Variants in AFAP1L1 observed in about 807,000 individuals in gnomAD.
AFAP1L1 encodes actin filament-associated protein 1-like 1.
A neutral mutation model predicts 99.8 loss-of-function variants in AFAP1L1; 77 were observed. That is an observed-to-expected ratio of 0.77 (90% CI 0.64 to 0.93). AFAP1L1 has a LOEUF of 0.93. AFAP1L1 is among the 40% of genes least tolerant of loss of function. The probability of loss-of-function intolerance (pLI) is 0.00; values close to 1 mark genes in which losing one functional copy is unlikely to be tolerated. For missense variants in AFAP1L1, 893 were observed against 996.8 expected, an observed-to-expected ratio of 0.90 and a Z score of 1.40; for synonymous variants, 373 against 395.3, an observed-to-expected ratio of 0.94 and a Z score of 0.67.
At chr5:149,316,552 C>G (rs530990033) in intron 11 of AFAP1L1, among the ~76,000 whole-genome samples, 1 of 152,142 alleles carries the variant, frequency 6.6e-6, no homozygotes, top group Admixed American at 6.5e-5. Context: ...TCCCTGTGAC[C>G]GTAGCCCAAA....
rs1757594925 is a variant in AFAP1L1, at chr5:149,342,836, C to T, written c.*2806C>T. ...CTGAGGGAGGAGAATCACTTGAACCCGGGAGGTGGAGGTTGCAGTGAGCCG... is the reference window on the plus strand; with the variant it reads ...CTGAGGGAGGAGAATCACTTGAACCTGGGAGGTGGAGGTTGCAGTGAGCCG... On this transcript the variant is annotated 3_prime_UTR_variant, in exon 19 of 19. Transcript: ENST00000296721. Among the ~76,000 whole-genome samples, 2 of 151,840 alleles carry T rather than the reference C, an allele frequency of 1.3e-5. No individual in the cohort carries two copies. Among genetic ancestry groups the T allele is most frequent in the Non-Finnish European group, 2.9e-5 (2 of 67,988 alleles).
intron 17 of AFAP1L1, among the ~76,000 whole-genome samples, chr5:149,335,334 A>C (rs963373578): frequency 6.6e-6 from 1 of 152,066 alleles, no homozygotes; most frequent in Non-Finnish European, 1.5e-5. Context: ...CTAAAAATAC[A>C]AAAATTAGCC....
intron 1 of AFAP1L1, among the ~76,000 whole-genome samples, chr5:149,290,102 G>A (rs183200717): frequency 4.6e-4 from 70 of 152,210 alleles, no homozygotes; most frequent in Non-Finnish European, 2.1e-4. Flanking sequence ...GCGTGGTAGC[G>A]CACGCCTGTA....
At chr5:149,303,978 A>G (rs944570971) in intron 5 of AFAP1L1, among the ~76,000 whole-genome samples, 6 of 152,170 alleles carry the variant, frequency 3.9e-5, no homozygotes, top group Admixed American at 1.3e-4. Flanking sequence ...CTAGTCCCCA[A>G]ACATTGTCAT....
At chr5:149,302,614 A>G in intron 5 of AFAP1L1, 88 bp downstream of exon 5, 1 of 1,172,826 alleles carries the variant, frequency 8.5e-7, no homozygotes, top group Non-Finnish European at 1.2e-6. Flanking sequence ...GGGAGCTGGA[A>G]CTGCAAGCCT....
At chr5:149,329,960 C>G in intron 16 of AFAP1L1, 130 bp downstream of exon 16, 1 of 691,530 alleles carries the variant, frequency 1.4e-6, no homozygotes, top group Non-Finnish European at 2.2e-6. Flanking sequence ...TCCCCTCCTC[C>G]TTCTCCTCCT....
chr5:149,302,395 C>A (rs1290227331), intron 4 of AFAP1L1, 23 bp from the exon 5 acceptor site: 2 of 1,548,228 alleles, frequency 1.3e-6, no homozygotes, highest in Admixed American at 1.9e-5. Flanking sequence ...GCTCCCCTAG[C>A]CCTCTTTTTT....
At chr5:149,274,322 A>C (rs1020217802) in intron 1 of AFAP1L1, among the ~76,000 whole-genome samples, 8 of 152,232 alleles carry the variant, frequency 5.3e-5, no homozygotes, top group African/African-American at 1.9e-4. Flanking sequence ...TTACTTGTAC[A>C]GCAATACTTA....
chr5:149,272,857 C>T (rs1371039230), intron 1 of AFAP1L1, among the ~76,000 whole-genome samples: 1 of 152,126 alleles, frequency 6.6e-6, no homozygotes, highest in Non-Finnish European at 1.5e-5. Context: ...CATGCGCCAC[C>T]ACACCCGGCT....
At chr5:149,294,359 C>A (rs780586450) in intron 1 of AFAP1L1, among the ~76,000 whole-genome samples, 2 of 152,174 alleles carry the variant, frequency 1.3e-5, no homozygotes, top group Non-Finnish European at 2.9e-5. Flanking sequence ...ACCCATACGA[C>A]CTCTCCAATT....
chr5:149,339,384 G>A (rs1024361476), intron 18 of AFAP1L1, among the ~76,000 whole-genome samples: 1 of 151,996 alleles, frequency 6.6e-6, no homozygotes, highest in South Asian at 2.1e-4. Flanking sequence ...TAGAGACGGG[G>A]GGTTTCACCA....
intron 1 of AFAP1L1, among the ~76,000 whole-genome samples, chr5:149,290,580 A>ATTGATTT (rs1755820484): frequency 6.6e-6 from 1 of 152,224 alleles, no homozygotes; most frequent in African/African-American, 2.4e-5. Flanking sequence ...ACCAACTACA[A>ATTGATTT]AATGTGCATC....
chr5:149,338,922 A>G (rs1028878344), intron 18 of AFAP1L1, among the ~76,000 whole-genome samples: 2 of 152,212 alleles, frequency 1.3e-5, no homozygotes, highest in Non-Finnish European at 2.9e-5. Flanking sequence ...AGGAACATCA[A>G]GAAGATCCAG....
At chr5:149,311,710 C>T (rs1756635488) in intron 8 of AFAP1L1, among the ~76,000 whole-genome samples, 1 of 152,204 alleles carries the variant, frequency 6.6e-6, no homozygotes, top group African/African-American at 2.4e-5. Flanking sequence ...GCAGGTCCCT[C>T]ATGCTTGTGA....
At position 149,342,890 on chromosome 5, in the gene AFAP1L1, C is replaced by A. The variant is rs1320207495; in HGVS notation, c.*2860C>A. On this transcript the variant is annotated 3_prime_UTR_variant, in exon 19 of 19. Coordinates refer to ENST00000296721, the MANE Select transcript of AFAP1L1 (RefSeq NM_152406.4). ...TCGCACCACTGCACTCCAGCCTGGG[C>A]AATAGCAAGACTCCATCTCAAAAAA... Among the ~76,000 whole-genome samples the A allele has an allele frequency of 6.7e-6, 1 of 148,762 alleles. No individual in the cohort carries two copies. Among genetic ancestry groups the A allele is most frequent in the Non-Finnish European group, 1.5e-5 (1 of 67,536 alleles).
chr5:149,316,256 C>T lies in AFAP1L1; in HGVS notation c.1220C>T (p.Ala407Val), dbSNP rs1269790926. The T allele has an allele frequency of 1.2e-6, 2 of 1,613,940 alleles. No individual in the cohort carries two copies. The highest frequency in any genetic ancestry group is 3.3e-5 in the Admixed American group (2 of 59,994). The change falls in exon 11 of 19, where the codon GCC becomes GTC. Residue 407 changes from alanine to valine, a missense_variant. Transcript: ENST00000296721. ...IIGFSKKKTL[A>V]DDLQTSSTEE... ...GGCTTCTCCAAGAAGAAGACACTGG[C>T]CGATGACCTGCAGACGTCCTCCACC...
At chr5:149,310,189 A>C in intron 8 of AFAP1L1, 54 bp downstream of exon 8, 1 of 1,508,538 alleles carries the variant, frequency 6.6e-7, no homozygotes, top group Non-Finnish European at 8.9e-7. Flanking sequence ...CTCTTCCCCA[A>C]GCCAGCCCTC....
chr5:149,286,538 T>G (rs1755687927), intron 1 of AFAP1L1, among the ~76,000 whole-genome samples: 1 of 152,254 alleles, frequency 6.6e-6, no homozygotes. Flanking sequence ...ACACTGAGTT[T>G]TCTGCAAGCC....
At chr5:149,295,490 A>G (rs763624883) in intron 1 of AFAP1L1, among the ~76,000 whole-genome samples, 22 of 151,840 alleles carry the variant, frequency 1.4e-4, no homozygotes, top group Non-Finnish European at 2.9e-4. Context: ...ACTGATAGCA[A>G]CAAGAAATTG....
Sources: gnomAD v4.1 joint callset for allele counts (sites outside exome capture counted in the v4.1 genomes callset) on GRCh38, gnomAD v4.1.1 for gene constraint, MANE v1.5 for transcripts, NCBI Gene and HGNC (gene_info 2026-07-23, HGNC 2026-07-21) for gene names.